The following TCEA1 variants were observed in gnomAD, a reference collection of about 807,000 sequenced individuals.
The protein encoded by TCEA1 is transcription elongation factor A protein 1.
Under a neutral mutation model 43.8 loss-of-function variants are expected in TCEA1, and 21 were observed. The ratio of observed to expected loss-of-function variants is 0.48; its 90% CI spans 0.34 to 0.69. The LOEUF (loss-of-function observed/expected upper bound fraction) is 0.69, where lower values mean the gene tolerates loss of function less well. Ranked by LOEUF, TCEA1 falls within the 30% of genes least tolerant of loss-of-function variation. The pLI, the probability that TCEA1 is intolerant of heterozygous loss-of-function variation, is 0.01. For synonymous variants in TCEA1, 104 were observed against 117.5 expected (o/e 0.88, Z 0.75); for missense variants, 250 against 365.1 (o/e 0.68, Z 2.57).
chr8:54,021,905 G>A, intron 1 of TCEA1, 158 bp downstream of exon 1: 2 of 579,362 alleles, frequency 3.5e-6, no homozygotes, highest in Non-Finnish European at 5.3e-6. Flanking sequence ...CCGACGCCCC[G>A]GGCCCGGACA....
chr8:53,983,985 A>T (rs1803605007), intron 7 of TCEA1, among the ~76,000 whole-genome samples: 1 of 152,142 alleles, frequency 6.6e-6, no homozygotes, highest in Non-Finnish European at 1.5e-5. Context: ...CTGTAATCCC[A>T]TCTACTTGGG....
At chr8:53,985,252 G>C (rs902557834) in intron 6 of TCEA1, among the ~76,000 whole-genome samples, 1 of 152,092 alleles carries the variant, frequency 6.6e-6, no homozygotes, top group Non-Finnish European at 1.5e-5. Context: ...CCTGACCTCA[G>C]GTGATCCACC....
At chr8:54,005,079 C>G (rs1186625868) in intron 2 of TCEA1, among the ~76,000 whole-genome samples, 1 of 152,138 alleles carries the variant, frequency 6.6e-6, no homozygotes, top group Admixed American at 6.6e-5. Context: ...TGTAAACTCC[C>G]AAGGACTCTT....
chr8:54,003,177 G>A, intron 2 of TCEA1: 2 of 399,964 alleles, frequency 5.0e-6, no homozygotes, highest in Non-Finnish European at 5.0e-6. Flanking sequence ...ATATATAAAA[G>A]AAACACACAG....
At chr8:53,993,983 G>A (rs1221218686) in intron 3 of TCEA1, among the ~76,000 whole-genome samples, 1 of 152,176 alleles carries the variant, frequency 6.6e-6, no homozygotes, top group African/African-American at 2.4e-5. Context: ...CACATGCCAT[G>A]GGAACCTAAA....
rs1265409139 is a variant in TCEA1 at position 53,988,064 on chromosome 8, G to A, written c.466+50C>T. On this transcript the variant is annotated intron_variant, in intron 5 of 9. Coordinates refer to ENST00000521604, the MANE Select transcript of TCEA1 (RefSeq NM_006756.4). ...GCAATATGGAGTTGGAGATGGCAGT[G>A]GTTGTGGGTGGTGACCAAAGGACTG... is the stretch of plus-strand genomic sequence containing the variant. 5.7e-6 allele frequency: 9 copies of A among 1,587,620 alleles called. No individual in the cohort carries two copies. In the Admixed American group the frequency reaches 1.6e-4, roughly 27 times the overall value.
chr8:53,973,286 C>G (rs1438061740), intron 8 of TCEA1: 3 of 500,848 alleles, frequency 6.0e-6, no homozygotes, highest in African/African-American at 3.9e-5. Context: ...GGTTCCAGGT[C>G]TTAAAGAAAG....
intron 4 of TCEA1, among the ~76,000 whole-genome samples, chr8:53,993,119 C>T (rs936801893): frequency 1.1e-4 from 16 of 140,370 alleles, no homozygotes; most frequent in African/African-American, 4.3e-4. Flanking sequence ...CACATGGCTA[C>T]ATGGCTAATT....
At chr8:54,010,645 T>C (rs985282509) in intron 1 of TCEA1, among the ~76,000 whole-genome samples, 153 bp from the exon 2 acceptor site, 2 of 152,320 alleles carry the variant, frequency 1.3e-5, no homozygotes, top group African/African-American at 4.8e-5. Flanking sequence ...CAGCCAAATA[T>C]TACAATTTGA....
At chr8:54,010,340 G>C in intron 2 of TCEA1, 90 bp downstream of exon 2, 1 of 966,856 alleles carries the variant, frequency 1.0e-6, no homozygotes, top group Non-Finnish European at 1.6e-6. Context: ...CCATTATCAA[G>C]AGACTACAAA....
At chr8:53,970,955 C>G (rs996545766) in intron 8 of TCEA1, among the ~76,000 whole-genome samples, 1 of 152,132 alleles carries the variant, frequency 6.6e-6, no homozygotes, top group Non-Finnish European at 1.5e-5. Flanking sequence ...AACCTAGAAA[C>G]TTGATATCTA....
intron 5 of TCEA1, 104 bp from the exon 6 acceptor site, chr8:53,987,129 C>T: frequency 2.1e-6 from 2 of 965,432 alleles, no homozygotes; most frequent in Non-Finnish European, 3.2e-6. Flanking sequence ...CCCCATTTGC[C>T]TGACATAAAG....
At chr8:53,977,225 C>A (rs1563467154) in intron 8 of TCEA1, among the ~76,000 whole-genome samples, 1 of 152,148 alleles carries the variant, frequency 6.6e-6, no homozygotes, top group Non-Finnish European at 1.5e-5. Context: ...GAGGCTGAGG[C>A]AGGAGAACGG....
At chr8:53,993,643 AAT>A (rs1488959159) in intron 4 of TCEA1, 23 bp downstream of exon 4, 38 of 1,565,902 alleles carry the variant, frequency 2.4e-5, no homozygotes, top group East Asian at 6.8e-5. Context: ...TTTCAATATA[AAT>A]ATATGTCTAT....
At chr8:53,972,447 G>A (rs1803184964) in intron 8 of TCEA1, 1 of 518,108 alleles carries the variant, frequency 1.9e-6, no homozygotes, top group South Asian at 1.5e-5. Context: ...ATCAAGTTTT[G>A]GGCATGCATG....
chr8:54,004,284 T>A (rs190496272), intron 2 of TCEA1, among the ~76,000 whole-genome samples: 1 of 151,894 alleles, frequency 6.6e-6, no homozygotes, highest in African/African-American at 2.4e-5. Context: ...CATTCCCAGG[T>A]ATCTACACAA....
At chr8:53,979,455 A>G (rs747467652) in intron 7 of TCEA1, among the ~76,000 whole-genome samples, 22 of 152,250 alleles carry the variant, frequency 1.4e-4, no homozygotes, top group Non-Finnish European at 2.2e-4. Flanking sequence ...GAAATTGAAC[A>G]TGGCTGACTC....
At chr8:53,986,607 T>C (rs1803696195) in intron 6 of TCEA1, among the ~76,000 whole-genome samples, 1 of 152,236 alleles carries the variant, frequency 6.6e-6, no homozygotes, top group African/African-American at 2.4e-5. Context: ...TCTCCTGCTA[T>C]CTGAAGCAAT....
intron 7 of TCEA1, 82 bp from the exon 8 acceptor site, chr8:53,979,253 T>C (rs915808382): frequency 3.0e-6 from 4 of 1,353,978 alleles, no homozygotes; most frequent in Non-Finnish European, 3.9e-6. Flanking sequence ...ATTAGCCTAA[T>C]AATAATAAAA....
Sources: gnomAD v4.1 joint callset for allele counts (sites outside exome capture counted in the v4.1 genomes callset) on GRCh38, gnomAD v4.1.1 for gene constraint, MANE v1.5 for transcripts, NCBI Gene and HGNC (gene_info 2026-07-23, HGNC 2026-07-21) for gene names.